Variants in DNAH14 observed in about 807,000 individuals in gnomAD.
DNAH14 encodes the protein axonemal beta dynein heavy chain 14.
DNAH14 carries 478 observed loss-of-function variants against 520.9 expected under a neutral mutation model. The observed-to-expected ratio is 0.92, with a 90% confidence interval of 0.85 to 0.99. The LOEUF is 0.99. Ranked by LOEUF, DNAH14 falls within the 50% of genes least tolerant of loss-of-function variation. The pLI is 0.00. For synonymous variants in DNAH14, 1,581 were observed against 1,757.2 expected (o/e 0.90, Z 2.51); for missense variants, 4,831 against 5,234.5 (o/e 0.92, Z 2.38).
chr1:225,149,958 A>C (rs2080326103), intron 31 of DNAH14, among the ~76,000 whole-genome samples: 2 of 152,144 alleles, frequency 1.3e-5, no homozygotes, highest in South Asian at 4.1e-4. Context: ...GTGGTGAGAG[A>C]GGGCATACTT....
At chr1:225,224,994 C>T (rs12069461) in intron 41 of DNAH14, among the ~76,000 whole-genome samples, 3,232 of 152,212 alleles carry the variant, frequency 0.021, 90 homozygotes, top group African/African-American at 0.062. Context: ...CATATTGGAC[C>T]CCACAGCTCA....
At chr1:225,240,216 AT>A (rs1055942911) in intron 42 of DNAH14, among the ~76,000 whole-genome samples, 1 of 151,322 alleles carries the variant, frequency 6.6e-6, no homozygotes, top group Non-Finnish European at 1.5e-5. Context: ...AAAATGAAAC[AT>A]TTTTATGTAA....
chr1:224,934,957 C>T (rs1330083921), intron 1 of DNAH14, among the ~76,000 whole-genome samples: 1 of 151,524 alleles, frequency 6.6e-6, no homozygotes, highest in Admixed American at 6.6e-5. Flanking sequence ...CATTCCTAGA[C>T]AAATGCTGAA....
Position 225,273,064 on chromosome 1 carries a change from A to C in DNAH14, c.7949A>C (p.Asp2650Ala). 6.4e-7 allele frequency: 1 copy of C among 1,551,580 alleles called. No homozygotes were observed. The highest frequency in any genetic ancestry group is 8.7e-7 in the Non-Finnish European group (1 of 1,146,980). Reference protein sequence around the residue: ...ATRVFHDRLIDFTDKSLFYRL... With the variant: ...ATRVFHDRLIAFTDKSLFYRL... The stretch of plus-strand genomic sequence containing the variant: ...CGAGTATTTCACGATCGCTTAATTG[A>C]TTTCACTGATAAAAGCCTTTTCTAT... The change falls in exon 52 of 86, where the codon GAT becomes GCT. Residue 2650 changes from aspartate to alanine, a missense_variant. Transcript: ENST00000682510.
chr1:225,200,853 A>G (rs964340626), intron 38 of DNAH14, among the ~76,000 whole-genome samples: 1 of 152,136 alleles, frequency 6.6e-6, no homozygotes, highest in African/African-American at 2.4e-5. Context: ...TCTTTTTGCA[A>G]TGAATTTCCC....
chr1:225,094,685 AAC>A (rs2074765916), intron 21 of DNAH14, among the ~76,000 whole-genome samples: 1 of 113,444 alleles, frequency 8.8e-6, no homozygotes, highest in South Asian at 2.6e-4. Context: ...AAAACAACAA[AAC>A]AAACAAACAA....
At chr1:225,257,896 A>AG in intron 44 of DNAH14, 64 bp from the exon 45 acceptor site, 2 of 1,273,448 alleles carry the variant, frequency 1.6e-6, no homozygotes. Flanking sequence ...ACAAAAAAAA[A>AG]AAAAAGATGA....
At chr1:225,077,989 TCATAC>T (rs1220449412) in intron 17 of DNAH14, among the ~76,000 whole-genome samples, 1 of 152,172 alleles carries the variant, frequency 6.6e-6, no homozygotes, top group African/African-American at 2.4e-5. Context: ...GAACTGACTT[TCATAC>T]CAAAATTACA....
chr1:225,257,843 A>G, intron 44 of DNAH14, 117 bp from the exon 45 acceptor site: 1 of 891,472 alleles, frequency 1.1e-6, no homozygotes, highest in Non-Finnish European at 1.6e-6. Context: ...CCAGCCATGT[A>G]CTTTTCATAT....
At chr1:225,258,346 A>T (rs539558979) in intron 45 of DNAH14, among the ~76,000 whole-genome samples, 1 of 152,304 alleles carries the variant, frequency 6.6e-6, no homozygotes, top group African/African-American at 2.4e-5. Context: ...CTGCAGGAGA[A>T]ATTCCAGAAG....
At chr1:225,257,259 C>G (rs541932851) in intron 44 of DNAH14, among the ~76,000 whole-genome samples, 80 of 152,266 alleles carry the variant, frequency 5.3e-4, no homozygotes, top group African/African-American at 1.9e-3. Context: ...TGTTGAGCAG[C>G]TAAAAGTGCC....
chr1:225,376,823 A>T (rs2095707309), intron 78 of DNAH14, among the ~76,000 whole-genome samples: 1 of 152,178 alleles, frequency 6.6e-6, no homozygotes, highest in Non-Finnish European at 1.5e-5. Flanking sequence ...CATATGAACA[A>T]TGCATTTCTC....
In DNAH14 at chr1:225,264,207, C is replaced by T. The variant is rs1366452915; in HGVS notation, c.7168C>T (p.Gln2390Ter). ...AATATTTCATTCCAGTAGCCTAAAA[C>T]AGAATATCACCATCTTGATTCCTGA... ...SEIKKSSSLK[Q>*]NITILIPETH... is the part of the protein sequence containing the mutation. The change falls in exon 47 of 86, where the codon CAG becomes TAG. Residue 2390 changes from glutamine (Q) to a stop codon, truncating the protein, a stop_gained. Coordinates refer to ENST00000682510, the MANE Select transcript of DNAH14 (RefSeq NM_001367479.1). LOFTEE classifies it high-confidence loss of function. 1 of 1,549,634 alleles carries T rather than the reference C, an allele frequency of 6.5e-7. No homozygotes were observed. The highest frequency in any genetic ancestry group is 1.4e-5 in the African/African-American group (1 of 73,064).
At chr1:225,277,143 G>C (rs1255077886) in intron 53 of DNAH14, among the ~76,000 whole-genome samples, 1 of 147,986 alleles carries the variant, frequency 6.8e-6, no homozygotes, top group Admixed American at 6.7e-5. Flanking sequence ...GGGGAAGGGA[G>C]CCTAAATACT....
intron 23 of DNAH14, among the ~76,000 whole-genome samples, chr1:225,104,759 A>G (rs1433802118): frequency 1.3e-5 from 2 of 151,780 alleles, no homozygotes; most frequent in Non-Finnish European, 2.9e-5. Flanking sequence ...TATTGTGTCT[A>G]TTTGATTCTT....
Position 225,080,329 on chromosome 1 carries a change from C to A in DNAH14, c.2767-50C>A, listed in dbSNP as rs745899030. On this transcript the variant is annotated intron_variant, in intron 18 of 85. Transcript: ENST00000682510. ...TGCTTTCACTGCCAGTAAAACAGTA[C>A]GTTCTAGACATACTGATTTCTCTTA... 3.5e-6 allele frequency: 5 copies of A among 1,432,782 alleles called. No homozygotes were observed. In the African/African-American group the frequency reaches 5.8e-5, roughly 17 times the overall value. The allele number at this position is 1,432,782 out of a possible 1,614,324, so 88.8% of individuals were successfully genotyped here.
intron 10 of DNAH14, among the ~76,000 whole-genome samples, chr1:225,022,930 T>C (rs2065824949): frequency 6.6e-6 from 1 of 152,314 alleles, no homozygotes; most frequent in South Asian, 2.1e-4. Context: ...AACGATATCA[T>C]GTCCTTTGCA....
intron 54 of DNAH14, among the ~76,000 whole-genome samples, chr1:225,286,642 A>C (rs569807892): frequency 6.6e-6 from 1 of 152,188 alleles, no homozygotes; most frequent in African/African-American, 2.4e-5. Context: ...TGAAAATAGC[A>C]CAGCCACTTT....
chr1:225,252,236 A>G (rs1050105550), intron 43 of DNAH14, 65 bp from the exon 44 acceptor site: 9 of 845,486 alleles, frequency 1.1e-5, no homozygotes, highest in Middle Eastern at 2.2e-4. Flanking sequence ...GAGAGTTTAC[A>G]TGGTTAGTGA....
Sources: gnomAD v4.1 joint callset for allele counts (sites outside exome capture counted in the v4.1 genomes callset) on GRCh38, gnomAD v4.1.1 for gene constraint, MANE v1.5 for transcripts, NCBI Gene and HGNC (gene_info 2026-07-23, HGNC 2026-07-21) for gene names.